Variants in SLA2 observed in about 807,000 individuals in gnomAD.
SLA2 encodes Src like adaptor 2, also known as src-like-adapter 2.
Under a neutral mutation model 27.3 loss-of-function variants are expected in SLA2, and 22 were observed. The ratio of observed to expected loss-of-function variants is 0.81; its 90% CI spans 0.58 to 1.15. The LOEUF is 1.15. SLA2 is among the 50% of genes most tolerant of loss of function. The probability of loss-of-function intolerance (pLI) is 0.00; values close to 1 mark genes in which losing one functional copy is unlikely to be tolerated. For missense variants in SLA2, 304 were observed against 322.2 expected (o/e 0.94, Z 0.43); for synonymous variants, 131 against 137.8 (o/e 0.95, Z 0.34).
chr20:36,624,074 C>T (rs915548658), intron 5 of SLA2, among the ~76,000 whole-genome samples: 2 of 152,144 alleles, frequency 1.3e-5, no homozygotes, highest in African/African-American at 4.8e-5. Flanking sequence ...CTGATTGCTT[C>T]CTGTCTCAGC....
chr20:36,639,569 T>C (rs115635449), intron 2 of SLA2, among the ~76,000 whole-genome samples: 5,815 of 151,870 alleles, frequency 0.038, 218 homozygotes, highest in African/African-American at 0.091. Context: ...ATACTAGAAT[T>C]GCGGCCGGGT....
At chr20:36,628,724 A>AT (rs560687670) in intron 5 of SLA2, among the ~76,000 whole-genome samples, 288 of 147,038 alleles carry the variant, frequency 2.0e-3, no homozygotes, top group Middle Eastern at 3.5e-3. Flanking sequence ...TTAAAAAAAA[A>AT]TTTTTTTTTT....
intron 1 of SLA2, among the ~76,000 whole-genome samples, chr20:36,642,909 T>C (rs1334305295): frequency 1.3e-5 from 2 of 151,484 alleles, no homozygotes; most frequent in African/African-American, 2.4e-5. Flanking sequence ...TACGGGCTCA[T>C]GCCATGTTGC....
chr20:36,625,470 C>T (rs532875237), intron 5 of SLA2, among the ~76,000 whole-genome samples: 89 of 152,130 alleles, frequency 5.9e-4, no homozygotes, highest in African/African-American at 2.0e-3. Context: ...GTGATTCCCC[C>T]GCCTCGGCCT....
At chr20:36,636,925 T>C (rs564230473) in intron 2 of SLA2, among the ~76,000 whole-genome samples, 8 of 151,988 alleles carry the variant, frequency 5.3e-5, no homozygotes, top group African/African-American at 1.9e-4. Flanking sequence ...CACTCCAGCA[T>C]GGGCAACACA....
chr20:36,644,051 T>C (rs1418982716), intron 1 of SLA2, among the ~76,000 whole-genome samples: 4 of 152,062 alleles, frequency 2.6e-5, no homozygotes, highest in Non-Finnish European at 5.9e-5. Flanking sequence ...AGAATGGGCA[T>C]ATGGCATGGA....
In SLA2 at chr20:36,615,205, G is replaced by C. The variant is rs1457967764; in HGVS notation, c.532+20C>G. ...CACAGACTATCCCAGCCTAGTCCTG[G>C]AGGCAGGGAAAGGCCATACCAGAGT... On this transcript the variant is annotated intron_variant, in intron 6 of 7. Coordinates refer to ENST00000262866, the MANE Select transcript of SLA2 (RefSeq NM_032214.4). 6.2e-7 allele frequency: 1 copy of C among 1,614,056 alleles called. No homozygotes were observed. The highest frequency in any genetic ancestry group is 8.5e-7 in the Non-Finnish European group (1 of 1,180,008).
intron 1 of SLA2, among the ~76,000 whole-genome samples, chr20:36,643,250 C>T (rs1193912784): frequency 6.6e-6 from 1 of 152,106 alleles, no homozygotes; most frequent in East Asian, 1.9e-4. Flanking sequence ...GCTGATTTTT[C>T]CAAACACTAT....
intron 2 of SLA2, among the ~76,000 whole-genome samples, chr20:36,640,587 G>A (rs1385163025): frequency 6.6e-6 from 1 of 151,146 alleles, no homozygotes; most frequent in East Asian, 1.9e-4. Context: ...CATGATCTCG[G>A]CTCACTGCAA....
intron 5 of SLA2, among the ~76,000 whole-genome samples, chr20:36,626,717 G>A (rs934225289): frequency 5.4e-5 from 8 of 147,426 alleles, no homozygotes; most frequent in East Asian, 4.1e-4. Context: ...GGTGGCAGCC[G>A]CCTGTGGTCC....
At chr20:36,636,825 C>T (rs920445580) in intron 2 of SLA2, among the ~76,000 whole-genome samples, 1 of 151,156 alleles carries the variant, frequency 6.6e-6, no homozygotes, top group Non-Finnish European at 1.5e-5. Context: ...GTGGCACGTC[C>T]CTGTAATCCC....
At position 36,632,594 on chromosome 20, in the gene SLA2, C is replaced by T. The variant is rs758566092; in HGVS notation, c.382+1G>A. On this transcript the variant is annotated splice_donor_variant, in intron 5 of 7. Coordinates refer to ENST00000262866, the MANE Select transcript of SLA2 (RefSeq NM_032214.4). LOFTEE classifies it high-confidence loss of function. ...CCTGGGCTGGCACCGAGCTTACTCA[C>T]CTCTCCTGGTCTGGCTCTCCCGGAT... is the stretch of plus-strand genomic sequence containing the variant. 6.2e-7 allele frequency: 1 copy of T among 1,613,390 alleles called. No homozygotes were observed. The highest frequency in any genetic ancestry group is 8.5e-7 in the Non-Finnish European group (1 of 1,179,326).
At position 36,613,878 on chromosome 20, in the gene SLA2, C is replaced by G; in HGVS notation, c.774G>C (p.Leu258Phe). ...CTCTCCTTTGGGCCTAGGCATCATCCAAAGAGACAGCCTCGTCATTCAGGC... is the reference window on the plus strand; with the variant it reads ...CTCTCCTTTGGGCCTAGGCATCATCGAAAGAGACAGCCTCGTCATTCAGGC... ...YISLNDEAVS[L>F]DDA Residue 258 changes from leucine (L) to phenylalanine (F), a missense_variant, in exon 8 of 8, where the codon TTG (leucine) becomes TTC (phenylalanine). Leu to Phe is a conservative substitution (Grantham distance 22). Coordinates refer to ENST00000262866, the MANE Select transcript of SLA2 (RefSeq NM_032214.4). 6.2e-7 allele frequency: 1 copy of G among 1,613,410 alleles called. No homozygotes were observed. The highest frequency in any genetic ancestry group is 8.5e-7 in the Non-Finnish European group (1 of 1,179,658).
At chr20:36,616,490 C>T (rs1017458189) in intron 5 of SLA2, among the ~76,000 whole-genome samples, 2 of 151,960 alleles carry the variant, frequency 1.3e-5, no homozygotes, top group South Asian at 2.1e-4. Context: ...GCCACCACCA[C>T]GCCCGGCTAA....
At chr20:36,642,844 C>T (rs1327065195) in intron 1 of SLA2, among the ~76,000 whole-genome samples, 1 of 152,134 alleles carries the variant, frequency 6.6e-6, no homozygotes, top group Non-Finnish European at 1.5e-5. Context: ...CTCGGTCTGC[C>T]AAAGTGCTGG....
At chr20:36,632,291 T>A (rs2039400723) in intron 5 of SLA2, among the ~76,000 whole-genome samples, 1 of 151,966 alleles carries the variant, frequency 6.6e-6, no homozygotes, top group Non-Finnish European at 1.5e-5. Context: ...TGTGGGAACA[T>A]CCCTCAGGAT....
At chr20:36,643,861 A>C (rs1978285580) in intron 1 of SLA2, among the ~76,000 whole-genome samples, 1 of 152,134 alleles carries the variant, frequency 6.6e-6, no homozygotes, top group Non-Finnish European at 1.5e-5. Flanking sequence ...CCGAGGCAAA[A>C]GAATCACTTG....
rs1439981393 is a variant in SLA2, at chr20:36,613,982, G to C, written c.670C>G (p.Leu224Val). 1 of 1,614,000 alleles carries C rather than the reference G, an allele frequency of 6.2e-7. No individual in the cohort carries two copies. Among genetic ancestry groups the C allele is most frequent in the East Asian group, 2.2e-5 (1 of 44,882 alleles). Residue 224 changes from leucine to valine, a missense_variant, in exon 8 of 8, where the codon CTC becomes GTC. Leu to Val is a conservative substitution (Grantham distance 32). Coordinates refer to ENST00000262866, the MANE Select transcript of SLA2 (RefSeq NM_032214.4). ...CCTGTGGCAGCTTCAGAAAACAGGA[G>C]GGAGCTGTGGACAAAGGAAGATAAT... ...PLNWKELDSS[L>V]LFSEAATGEE...
intron 5 of SLA2, among the ~76,000 whole-genome samples, chr20:36,626,635 C>T (rs1202989288): frequency 6.6e-6 from 1 of 151,528 alleles, no homozygotes; most frequent in African/African-American, 2.4e-5. Context: ...ATCACAAGGT[C>T]AGGAGATCGA....
Sources: gnomAD v4.1 joint callset for allele counts (sites outside exome capture counted in the v4.1 genomes callset) on GRCh38, gnomAD v4.1.1 for gene constraint, MANE v1.5 for transcripts, NCBI Gene and HGNC (gene_info 2026-07-23, HGNC 2026-07-21) for gene names.